CACNA2D3: variants seen among roughly 807,000 people sequenced by gnomAD.
CACNA2D3 encodes voltage-dependent calcium channel subunit alpha-2/delta-3.
A neutral mutation model predicts 160.6 loss-of-function variants in CACNA2D3; 60 were observed. The ratio of observed to expected loss-of-function variants is 0.37; its 90% CI spans 0.30 to 0.46. CACNA2D3 has a LOEUF of 0.46. CACNA2D3 is among the 20% of genes least tolerant of loss of function. The pLI is 1.00. For synonymous variants in CACNA2D3, 558 were observed against 492.9 expected, an observed-to-expected ratio of 1.13 and a Z score of -1.75; for missense variants, 1,205 against 1,365.0, an observed-to-expected ratio of 0.88 and a Z score of 1.85.
chr3:54,701,727 C>A (rs539071610), intron 11 of CACNA2D3, among the ~76,000 whole-genome samples: 1 of 152,144 alleles, frequency 6.6e-6, no homozygotes, highest in Non-Finnish European at 1.5e-5. Flanking sequence ...TCATTTTTCA[C>A]AGAACTAGAA....
At chr3:55,007,489 G>T (rs1703123261) in intron 32 of CACNA2D3, among the ~76,000 whole-genome samples, 1 of 152,122 alleles carries the variant, frequency 6.6e-6, no homozygotes, top group Admixed American at 6.6e-5. Flanking sequence ...GCCCCTAGAG[G>T]GTAAAGGTTT....
chr3:54,550,468 A>T (rs1185127511), intron 5 of CACNA2D3, among the ~76,000 whole-genome samples: 1 of 152,060 alleles, frequency 6.6e-6, no homozygotes, highest in African/African-American at 2.4e-5. Context: ...GAGGTTTCAC[A>T]CCCCCAAATG....
intron 2 of CACNA2D3, among the ~76,000 whole-genome samples, chr3:54,216,645 A>G (rs1290804309): frequency 1.3e-5 from 2 of 152,252 alleles, no homozygotes; most frequent in Admixed American, 1.3e-4. Context: ...GTGGCAGAGC[A>G]TAATTGGAGT....
At chr3:54,134,902 C>T (rs1352696915) in intron 2 of CACNA2D3, among the ~76,000 whole-genome samples, 1 of 152,240 alleles carries the variant, frequency 6.6e-6, no homozygotes, top group Non-Finnish European at 1.5e-5. Context: ...GCGGGAGCAC[C>T]GCAGTGCAGG....
intron 2 of CACNA2D3, among the ~76,000 whole-genome samples, chr3:54,209,826 T>C (rs912740580): frequency 1.3e-5 from 2 of 152,224 alleles, no homozygotes; most frequent in Non-Finnish European, 2.9e-5. Flanking sequence ...GCTGTATAAA[T>C]TTTCTGTGCT....
intron 2 of CACNA2D3, among the ~76,000 whole-genome samples, chr3:54,220,034 G>C (rs1701537749): frequency 6.6e-6 from 1 of 152,074 alleles, no homozygotes; most frequent in Non-Finnish European, 1.5e-5. Context: ...CTAAAATTGT[G>C]TTTGCTCTTC....
chr3:54,307,538 C>A (rs993479718), intron 2 of CACNA2D3, among the ~76,000 whole-genome samples: 1 of 152,052 alleles, frequency 6.6e-6, no homozygotes, highest in African/African-American at 2.4e-5. Context: ...AGGAAGCTTC[C>A]CAACATGGGA....
At chr3:54,441,258 T>G (rs1400639533) in intron 4 of CACNA2D3, among the ~76,000 whole-genome samples, 1 of 152,244 alleles carries the variant, frequency 6.6e-6, no homozygotes, top group Non-Finnish European at 1.5e-5. Flanking sequence ...CATTTTCTCA[T>G]GTGTCTTTTG....
At chr3:54,659,658 A>T (rs1280690823) in intron 11 of CACNA2D3, among the ~76,000 whole-genome samples, 1 of 152,196 alleles carries the variant, frequency 6.6e-6, no homozygotes, top group East Asian at 1.9e-4. Context: ...CTTTCAGGAA[A>T]ACTGCCACGG....
At chr3:54,338,168 AC>A in intron 3 of CACNA2D3, among the ~76,000 whole-genome samples, 1 of 152,268 alleles carries the variant, frequency 6.6e-6, no homozygotes, top group Non-Finnish European at 1.5e-5. Context: ...AGGTTAAATT[AC>A]AGCAATCACT....
At chr3:54,683,987 TGAGACGGAG>T (rs1559548525) in intron 11 of CACNA2D3, among the ~76,000 whole-genome samples, 5 of 97,788 alleles carry the variant, frequency 5.1e-5, no homozygotes, top group African/African-American at 1.8e-4. Context: ...TTTTTTTTTT[TGAGACGGAG>T]TTTCACTCAT....
chr3:54,769,177 A>T (rs959590099), intron 13 of CACNA2D3, among the ~76,000 whole-genome samples: 4 of 152,106 alleles, frequency 2.6e-5, no homozygotes, highest in African/African-American at 9.7e-5. Context: ...CAGAGTCTAA[A>T]TTCTGAGATG....
chr3:54,506,824 C>T (rs565109087), intron 5 of CACNA2D3, among the ~76,000 whole-genome samples: 129 of 152,184 alleles, frequency 8.5e-4, no homozygotes, highest in African/African-American at 2.7e-3. Context: ...CCTTTAGAGC[C>T]GTAAATGACT....
chr3:54,141,196 A>G (rs1234424398), intron 2 of CACNA2D3, among the ~76,000 whole-genome samples: 1 of 151,898 alleles, frequency 6.6e-6, no homozygotes, highest in Non-Finnish European at 1.5e-5. Flanking sequence ...CATACTGGTA[A>G]CCCTTCTCTA....
chr3:54,414,481 A>G (rs1250377380), intron 4 of CACNA2D3, among the ~76,000 whole-genome samples: 1 of 152,142 alleles, frequency 6.6e-6, no homozygotes, highest in East Asian at 1.9e-4. Context: ...GGGAGAAAAT[A>G]CCATTATTTG....
intron 3 of CACNA2D3, among the ~76,000 whole-genome samples, chr3:54,348,721 T>C (rs1285697926): frequency 6.6e-6 from 1 of 152,214 alleles, no homozygotes; most frequent in Non-Finnish European, 1.5e-5. Flanking sequence ...TAATTGTGAC[T>C]GTTGTTTTTT....
At chr3:54,625,796 C>T (rs1430196421) in intron 9 of CACNA2D3, among the ~76,000 whole-genome samples, 1 of 152,124 alleles carries the variant, frequency 6.6e-6, no homozygotes, top group Non-Finnish European at 1.5e-5. Context: ...CTGAGGGGAC[C>T]CAAGGAGAGG....
chr3:54,245,317 G>A (rs897468252), intron 2 of CACNA2D3, among the ~76,000 whole-genome samples: 4 of 152,020 alleles, frequency 2.6e-5, no homozygotes, highest in Admixed American at 1.3e-4. Flanking sequence ...GGGTGTGTGT[G>A]TGTGTGTGTG....
chr3:54,992,393 C>A (rs924016710), intron 31 of CACNA2D3, among the ~76,000 whole-genome samples: 1 of 152,146 alleles, frequency 6.6e-6, no homozygotes, highest in Non-Finnish European at 1.5e-5. Context: ...ACAGCCCACC[C>A]TCCTGAGTGT....
Sources: gnomAD v4.1 joint callset for allele counts (sites outside exome capture counted in the v4.1 genomes callset) on GRCh38, gnomAD v4.1.1 for gene constraint, MANE v1.5 for transcripts, NCBI Gene and HGNC (gene_info 2026-07-23, HGNC 2026-07-21) for gene names.